The following SRCIN1 variants were observed in gnomAD, a reference collection of about 807,000 sequenced individuals.
SRCIN1 encodes the protein P130Cas-associated protein.
SRCIN1 carries 50 observed loss-of-function variants against 116.2 expected under a neutral mutation model. The ratio of observed to expected loss-of-function variants is 0.43; its 90% CI spans 0.34 to 0.54. SRCIN1 has a LOEUF of 0.54. SRCIN1 is among the 20% of genes least tolerant of loss of function. The pLI is 0.02. For missense variants in SRCIN1, 1,446 were observed against 1,672.0 expected (o/e 0.86, Z 2.36); for synonymous variants, 736 against 750.0 (o/e 0.98, Z 0.30).
chr17:38,601,664 A>G (rs113084413), intron 1 of SRCIN1, among the ~76,000 whole-genome samples: 3,993 of 143,110 alleles, frequency 0.028, 175 homozygotes, highest in African/African-American at 0.091. Flanking sequence ...GCTCGCGCGC[A>G]CACACACACA....
At chr17:38,547,074 G>A (rs1252318249) in intron 17 of SRCIN1, among the ~76,000 whole-genome samples, 2 of 152,254 alleles carry the variant, frequency 1.3e-5, no homozygotes, top group Admixed American at 1.3e-4. Context: ...CAGCAGGACA[G>A]CAGCAAGGAC....
intron 1 of SRCIN1, among the ~76,000 whole-genome samples, chr17:38,580,675 C>A (rs1489449825): frequency 2.0e-5 from 3 of 152,184 alleles, no homozygotes; most frequent in Admixed American, 6.5e-5. Flanking sequence ...CATGTGTGGA[C>A]TTCCTCACTG....
At chr17:38,606,694 G>T (rs868619902), upstream of SRCIN1, among the ~76,000 whole-genome samples, 3 of 152,158 alleles carry the variant, frequency 2.0e-5, no homozygotes, top group African/African-American at 7.2e-5. The surrounding 1 kb of genome is among the most constrained non-coding windows in gnomAD (Gnocchi z 5.2). Flanking sequence ...ACTTCAGCCC[G>T]CAGAGCACTA....
In SRCIN1 at chr17:38,582,200, TC is replaced by T. The variant is rs1189442179; in HGVS notation, c.23-3410del. Among the ~76,000 whole-genome samples the T allele has an allele frequency of 7.9e-5, 12 of 152,200 alleles. No individual in the cohort carries two copies. The Middle Eastern group carries it at 0.02, about 259-fold the overall frequency. ...GCTTCCTTCCTGGAGCCAAAAGAGC[TC>T]CTCATCCCCTCTCTTACCCCCTCCT... is the stretch of plus-strand genomic sequence containing the variant. On this transcript the variant is annotated intron_variant, in intron 1 of 18. Transcript: ENST00000617146.
Position 38,562,335 on chromosome 17 carries a change from AGAAGACAGCCCG to A in SRCIN1, c.835-19_835-8del. The A allele has an allele frequency of 6.9e-7, 1 of 1,453,128 alleles. No individual in the cohort carries two copies. The highest frequency in any genetic ancestry group is 9.0e-7 in the Non-Finnish European group (1 of 1,112,442). 90.0% of individuals were successfully genotyped at this position (1,453,128 alleles called of 1,614,324 possible). A position where few individuals can be genotyped will look rare whatever the true frequency, so the allele number is the denominator to read the frequency against. On this transcript the variant is annotated splice_region_variant and splice_polypyrimidine_tract_variant and intron_variant, in intron 6 of 18. Transcript: ENST00000617146. The surrounding 1 kb of genome is among the most constrained non-coding windows in gnomAD (Gnocchi z 4.2). ...ATGCGTACACCATCTCTCTCTGCGCAGAAGACAGCCCGGAACCCCACGGGGCTGGTCACCAAG... is the reference window on the plus strand; with the variant it reads ...ATGCGTACACCATCTCTCTCTGCGCAGAACCCCACGGGGCTGGTCACCAAG...
chr17:38,564,103 C>A lies in SRCIN1; in HGVS notation c.541+15G>T. The A allele has an allele frequency of 6.3e-7, 1 of 1,587,182 alleles. No homozygotes were observed. The stretch of plus-strand genomic sequence containing the variant: ...AGCCTGTGTGGGGAGGGAGGGTGGA[C>A]TGGGCGGGCAGTACCTGGGGAGCGC... On this transcript the variant is annotated intron_variant, in intron 4 of 18. Coordinates refer to ENST00000617146, the MANE Select transcript of SRCIN1 (RefSeq NM_025248.3).
At chr17:38,535,739 C>T (rs2040991384) in intron 18 of SRCIN1, among the ~76,000 whole-genome samples, 2 of 152,174 alleles carry the variant, frequency 1.3e-5, no homozygotes, top group Non-Finnish European at 2.9e-5. Context: ...TCCTGCCTCT[C>T]CTCTGCTCTA....
chr17:38,587,164 C>G (rs902269024), intron 1 of SRCIN1, among the ~76,000 whole-genome samples: 1 of 152,012 alleles, frequency 6.6e-6, no homozygotes, highest in Non-Finnish European at 1.5e-5. Context: ...GCCATTCCAC[C>G]CAGAAGGGCA....
chr17:38,535,598 C>T (rs942410508), intron 18 of SRCIN1, among the ~76,000 whole-genome samples: 4 of 152,190 alleles, frequency 2.6e-5, no homozygotes, highest in Non-Finnish European at 4.4e-5. Context: ...TCGTCAGATT[C>T]ACGCAGTCCT....
chr17:38,540,180 C>A (rs1006126916), intron 18 of SRCIN1, among the ~76,000 whole-genome samples: 3 of 152,170 alleles, frequency 2.0e-5, no homozygotes, highest in Admixed American at 6.5e-5. Context: ...TGGCTCCCGT[C>A]CCTCCCTGGG....
At chr17:38,578,838 T>TGGGGCTGCCCATCCC (rs1907609485) in intron 1 of SRCIN1, 47 bp from the exon 2 acceptor site, 1 of 1,446,996 alleles carries the variant, frequency 6.9e-7, no homozygotes, top group Non-Finnish European at 9.1e-7. Flanking sequence ...GCGCCCGGCC[T>TGGGGCTGCCCATCCC]GGGGCTGCCC....
chr17:38,580,197 C>A (rs1392164377), intron 1 of SRCIN1, among the ~76,000 whole-genome samples: 2 of 152,194 alleles, frequency 1.3e-5, no homozygotes, highest in African/African-American at 4.8e-5. Context: ...CTATGGACAG[C>A]TGCCAGGTCT....
chr17:38,606,375 C>T (rs1346057493), upstream of SRCIN1, among the ~76,000 whole-genome samples: 1 of 152,030 alleles, frequency 6.6e-6, no homozygotes, highest in African/African-American at 2.4e-5. This position sits in a 1 kb window ranked among gnomAD's most constrained non-coding sequence, Gnocchi z 5.2. Context: ...ACTGGGGGCT[C>T]CCTTCAGCCA....
intron 18 of SRCIN1, among the ~76,000 whole-genome samples, 157 bp downstream of exon 18, chr17:38,543,666 T>G (rs1490216244): frequency 6.6e-6 from 1 of 151,986 alleles, no homozygotes; most frequent in African/African-American, 2.4e-5. Flanking sequence ...GAGAAGACGG[T>G]TCAGGGGGTG....
At position 38,551,933 on chromosome 17, in the gene SRCIN1, G is replaced by C. The variant is rs781248067; in HGVS notation, c.2680C>G (p.Leu894Val). 1 of 1,614,056 alleles carries C rather than the reference G, an allele frequency of 6.2e-7. No homozygotes were observed. The highest frequency in any genetic ancestry group is 8.5e-7 in the Non-Finnish European group (1 of 1,179,914). Residue 894 changes from leucine (L) to valine (V), a missense_variant, in exon 14 of 19, where the codon CTG becomes GTG. Transcript: ENST00000617146. ...ACGCTTCTCTTGCCAGGAGTGTCCAGGCCTTTGGTGGGGTTGCCCCCCTTG... is the reference window on the plus strand; with the variant it reads ...ACGCTTCTCTTGCCAGGAGTGTCCACGCCTTTGGTGGGGTTGCCCCCCTTG... ...TPKGGNPTKG[L>V]DTPGKRSVDK...
chr17:38,560,141 C>T (rs1156382287), intron 8 of SRCIN1, 44 bp from the exon 9 acceptor site: 1 of 1,515,352 alleles, frequency 6.6e-7, no homozygotes, highest in African/African-American at 1.4e-5. Context: ...CAGGCCAGCC[C>T]CAGACCTTCA....
chr17:38,566,943 CTCTT>C (rs1463796501), intron 3 of SRCIN1, among the ~76,000 whole-genome samples: 10 of 125,890 alleles, frequency 7.9e-5, no homozygotes, highest in Admixed American at 1.7e-4. Context: ...CTTTCTCTCT[CTCTT>C]TCTCTCTTTC....
chr17:38,599,054 C>A (rs151316722), intron 1 of SRCIN1, among the ~76,000 whole-genome samples: 42 of 151,992 alleles, frequency 2.8e-4, no homozygotes, highest in African/African-American at 8.7e-4. Flanking sequence ...TGGGCCAAAT[C>A]CCCATTTTTT....
chr17:38,559,431 A>G, intron 10 of SRCIN1, 154 bp downstream of exon 10: 3 of 734,920 alleles, frequency 4.1e-6, no homozygotes, highest in East Asian at 6.0e-5. Flanking sequence ...GAAGGGGAGA[A>G]AGGGTTCGGA....
Sources: gnomAD v4.1 joint callset for allele counts (sites outside exome capture counted in the v4.1 genomes callset) on GRCh38, gnomAD v4.1.1 for gene constraint, Gnocchi (gnomAD v3.1) non-coding constraint, MANE v1.5 for transcripts, NCBI Gene and HGNC (gene_info 2026-07-23, HGNC 2026-07-21) for gene names.